PTPRD: variants seen among roughly 807,000 people sequenced by gnomAD.
The protein encoded by PTPRD is protein tyrosine phosphatase receptor type D, also known as receptor-type tyrosine-protein phosphatase delta.
PTPRD carries 34 observed loss-of-function variants against 214.5 expected under a neutral mutation model. That is an observed-to-expected ratio of 0.16 (90% CI 0.12 to 0.21). PTPRD has a LOEUF of 0.21. PTPRD is among the 10% of genes least tolerant of loss of function. The pLI is 1.00. For synonymous variants in PTPRD, 1,128 were observed against 845.7 expected (o/e 1.33, Z -5.79); for missense variants, 2,545 against 2,398.7 (o/e 1.06, Z -1.27).
intron 3 of PTPRD, among the ~76,000 whole-genome samples, chr9:10,268,101 AC>A (rs2094187945): frequency 6.8e-6 from 1 of 147,932 alleles, no homozygotes; most frequent in South Asian, 2.1e-4. Flanking sequence ...AACATAGCAA[AC>A]CCCCATCTCC....
intron 11 of PTPRD, among the ~76,000 whole-genome samples, chr9:8,933,349 T>G (rs7867452): frequency 6.8e-6 from 1 of 146,136 alleles, no homozygotes; most frequent in African/African-American, 2.5e-5. Context: ...GGTTTTTTTT[T>G]TTTTTTTTTT....
intron 11 of PTPRD, among the ~76,000 whole-genome samples, chr9:8,877,438 T>C (rs960451659): frequency 2.0e-5 from 3 of 152,202 alleles, no homozygotes; most frequent in Admixed American, 6.5e-5. Context: ...GGGACTTTTA[T>C]AGTGACAGTT....
At chr9:9,941,094 T>A (rs540583359) in intron 4 of PTPRD, among the ~76,000 whole-genome samples, 1 of 152,138 alleles carries the variant, frequency 6.6e-6, no homozygotes, top group Non-Finnish European at 1.5e-5. Context: ...AAAAATCTCA[T>A]GTTTTCTCAT....
intron 9 of PTPRD, among the ~76,000 whole-genome samples, chr9:9,328,297 A>G (rs1433515822): frequency 6.6e-6 from 1 of 152,130 alleles, no homozygotes; most frequent in African/African-American, 2.4e-5. Flanking sequence ...CATACATACT[A>G]CATTCATTCT....
At chr9:9,203,558 A>G (rs777112722) in intron 9 of PTPRD, among the ~76,000 whole-genome samples, 3 of 152,036 alleles carry the variant, frequency 2.0e-5, no homozygotes, top group Non-Finnish European at 4.4e-5. Context: ...TATCAGTCCC[A>G]CTGTTACAGT....
chr9:9,575,594 C>A (rs2088249673), intron 7 of PTPRD, among the ~76,000 whole-genome samples: 1 of 151,252 alleles, frequency 6.6e-6, no homozygotes, highest in South Asian at 2.1e-4. Context: ...GTGGTGCATG[C>A]CTGTAGTCCC....
At chr9:10,332,604 C>G (rs1246555540) in intron 3 of PTPRD, among the ~76,000 whole-genome samples, 2 of 151,728 alleles carry the variant, frequency 1.3e-5, no homozygotes, top group Non-Finnish European at 1.5e-5. Context: ...CGTGTACTAC[C>G]TACACCCCAT....
intron 39 of PTPRD, among the ~76,000 whole-genome samples, chr9:8,367,370 C>T (rs1231574546): frequency 2.6e-5 from 4 of 151,916 alleles, no homozygotes; most frequent in African/African-American, 4.8e-5. Flanking sequence ...TTTGGCTATG[C>T]CTAGGACATG....
At chr9:9,120,909 C>T (rs1179003754) in intron 10 of PTPRD, among the ~76,000 whole-genome samples, 1 of 152,160 alleles carries the variant, frequency 6.6e-6, no homozygotes. Context: ...CAACTAAGAA[C>T]TATCACTTTC....
intron 9 of PTPRD, among the ~76,000 whole-genome samples, chr9:9,345,772 C>T (rs1193494802): frequency 6.6e-6 from 1 of 151,878 alleles, no homozygotes; most frequent in South Asian, 2.1e-4. Flanking sequence ...AAAATGGGAA[C>T]AATAATGATA....
At chr9:9,412,407 C>A (rs1161511257) in intron 8 of PTPRD, among the ~76,000 whole-genome samples, 1 of 152,150 alleles carries the variant, frequency 6.6e-6, no homozygotes, top group African/African-American at 2.4e-5. Flanking sequence ...AGCACTGCAG[C>A]CACTGTGGTT....
chr9:8,513,483 A>G (rs2097722331), intron 21 of PTPRD, among the ~76,000 whole-genome samples: 1 of 152,104 alleles, frequency 6.6e-6, no homozygotes, highest in African/African-American at 2.4e-5. Flanking sequence ...AATGAAAGAT[A>G]ATAAAATTAA....
At chr9:10,564,457 A>AT (rs1205929740) in intron 2 of PTPRD, among the ~76,000 whole-genome samples, 1 of 151,672 alleles carries the variant, frequency 6.6e-6, no homozygotes, top group Non-Finnish European at 1.5e-5. Context: ...AAAAAAAAAA[A>AT]GAAATTTTCT....
At chr9:10,546,627 C>A (rs2060230414) in intron 2 of PTPRD, among the ~76,000 whole-genome samples, 1 of 151,938 alleles carries the variant, frequency 6.6e-6, no homozygotes, top group Admixed American at 6.6e-5. Flanking sequence ...ATATGGAAAG[C>A]ATTATATGCC....
At chr9:10,582,152 T>C (rs2072102630) in intron 2 of PTPRD, among the ~76,000 whole-genome samples, 1 of 152,162 alleles carries the variant, frequency 6.6e-6, no homozygotes, top group South Asian at 2.1e-4. Context: ...AACCAAATAT[T>C]AGAGTTAGAA....
Position 9,275,139 on chromosome 9 carries a change from A to G in PTPRD, c.-202-91776T>C, listed in dbSNP as rs1300547816. On this transcript the variant is annotated intron_variant, in intron 9 of 45. Transcript: ENST00000381196. The stretch of plus-strand genomic sequence containing the variant: ...ATATATTATATATATTATATATAAT[A>G]TATATATAATATATTATATATATAA... 2.9e-4 allele frequency among the ~76,000 whole-genome samples: 14 copies of G among 48,034 alleles called. 1 individual carries two copies. Among genetic ancestry groups the G allele is most frequent in the African/African-American group, 1.2e-3 (14 of 12,060 alleles). 31.5% of individuals were successfully genotyped at this position (48,034 alleles called of 152,430 possible).
At chr9:8,968,017 T>C (rs1031382316) in intron 11 of PTPRD, among the ~76,000 whole-genome samples, 8 of 152,182 alleles carry the variant, frequency 5.3e-5, no homozygotes, top group East Asian at 1.9e-4. Context: ...GGTTTTTTTT[T>C]CCCTGCGATA....
intron 5 of PTPRD, among the ~76,000 whole-genome samples, chr9:9,796,237 A>C (rs950311481): frequency 1.3e-5 from 2 of 152,174 alleles, no homozygotes; most frequent in Non-Finnish European, 2.9e-5. Context: ...GATATCTGAG[A>C]AACGTTTTGA....
intron 9 of PTPRD, among the ~76,000 whole-genome samples, chr9:9,396,098 A>G (rs531469037): frequency 6.6e-6 from 1 of 152,194 alleles, no homozygotes; most frequent in Admixed American, 6.6e-5. Context: ...GAAGCTAGTC[A>G]AGACCCAGTT....
Sources: allele counts gnomAD v4.1 joint callset (sites outside exome capture counted in the v4.1 genomes callset), GRCh38; gene constraint gnomAD v4.1.1; transcripts MANE v1.5; gene names NCBI Gene and HGNC (gene_info 2026-07-23, HGNC 2026-07-21).